Variants in VAT1L observed in about 807,000 individuals in gnomAD.
VAT1L encodes the protein putative NADPH-dependent quinone oxidoreductase VAT1L.
In VAT1L, 34 loss-of-function variants were observed where a neutral mutation model predicts 44.1. That is an observed-to-expected ratio of 0.77 (90% confidence interval 0.59 to 1.03). VAT1L has a LOEUF of 1.03. VAT1L is among the 50% of genes least tolerant of loss of function. The pLI is 0.00. For synonymous variants in VAT1L, 253 were observed against 202.2 expected (o/e 1.25, Z -2.13); for missense variants, 615 against 538.8 (o/e 1.14, Z -1.40).
intron 7 of VAT1L, among the ~76,000 whole-genome samples, chr16:77,926,994 T>C (rs16946861): frequency 0.19 from 28,841 of 152,090 alleles, 2,883 homozygotes; most frequent in Middle Eastern, 0.23. Context: ...GTTAGGAATG[T>C]AGAAGACAAC....
intron 7 of VAT1L, among the ~76,000 whole-genome samples, chr16:77,958,622 G>A (rs1320737271): frequency 6.6e-6 from 1 of 152,106 alleles, no homozygotes; most frequent in Non-Finnish European, 1.5e-5. Context: ...AATAAGACAA[G>A]AATATATAAT....
intron 1 of VAT1L, among the ~76,000 whole-genome samples, chr16:77,794,146 C>T (rs1300552710): frequency 1.3e-5 from 2 of 152,106 alleles, no homozygotes; most frequent in Non-Finnish European, 2.9e-5. Context: ...GACAGAGAGA[C>T]ACACACACAA....
At chr16:77,839,800 A>G (rs1468344600) in intron 3 of VAT1L, among the ~76,000 whole-genome samples, 1 of 152,178 alleles carries the variant, frequency 6.6e-6, no homozygotes, top group Non-Finnish European at 1.5e-5. Flanking sequence ...CAGCAGTTCA[A>G]TAAGAATTAA....
chr16:77,798,424 C>G (rs1193878028), intron 1 of VAT1L, among the ~76,000 whole-genome samples: 1 of 152,168 alleles, frequency 6.6e-6, no homozygotes, highest in East Asian at 1.9e-4. Flanking sequence ...GTTTGCTCAT[C>G]TGTAATATGG....
chr16:77,847,176 T>C (rs985555319), intron 3 of VAT1L, among the ~76,000 whole-genome samples: 8 of 152,200 alleles, frequency 5.3e-5, no homozygotes, highest in African/African-American at 1.9e-4. Context: ...GGAGAAGTAA[T>C]TGCTTTCAGT....
At chr16:77,943,139 C>G (rs1247136283) in intron 7 of VAT1L, among the ~76,000 whole-genome samples, 1 of 151,544 alleles carries the variant, frequency 6.6e-6, no homozygotes, top group African/African-American at 2.4e-5. Flanking sequence ...TCAGTGCAAC[C>G]TCCACCTCCC....
At chr16:77,889,380 T>C (rs2017240479) in intron 7 of VAT1L, among the ~76,000 whole-genome samples, 1 of 152,124 alleles carries the variant, frequency 6.6e-6, no homozygotes, top group South Asian at 2.1e-4. Flanking sequence ...GTACGTTAAG[T>C]TGGAAGAAAG....
In VAT1L at chr16:77,977,919, C is replaced by A; in HGVS notation, c.*224C>A. 2.0e-6 allele frequency: 1 copy of A among 495,534 alleles called. No homozygotes were observed. The highest frequency in any genetic ancestry group is 3.7e-6 in the Non-Finnish European group (1 of 271,504). 30.7% of individuals were successfully genotyped at this position (495,534 alleles called of 1,614,324 possible). On this transcript the variant is annotated 3_prime_UTR_variant, in exon 9 of 9. Coordinates refer to ENST00000302536, the MANE Select transcript of VAT1L (RefSeq NM_020927.3). ...TCCTATCTGTGTATTACACATTCCC[C>A]TCTCCCCTGTATCAAAACCATCCAT...
At chr16:77,972,689 G>C (rs2018293275) in intron 8 of VAT1L, among the ~76,000 whole-genome samples, 1 of 152,114 alleles carries the variant, frequency 6.6e-6, no homozygotes, top group South Asian at 2.1e-4. Flanking sequence ...GCTGAGGCAG[G>C]AGAATCGCTT....
intron 7 of VAT1L, among the ~76,000 whole-genome samples, chr16:77,927,877 T>TATAA (rs925295499): frequency 6.6e-6 from 1 of 152,086 alleles, no homozygotes; most frequent in African/African-American, 2.4e-5. Context: ...AATAAATAAA[T>TATAA]ATAAATAAAT....
At chr16:77,827,710 G>A (rs2016538074) in intron 3 of VAT1L, among the ~76,000 whole-genome samples, 1 of 152,178 alleles carries the variant, frequency 6.6e-6, no homozygotes, top group Non-Finnish European at 1.5e-5. Context: ...GTGTTCATTT[G>A]ATTGAAATAA....
intron 6 of VAT1L, among the ~76,000 whole-genome samples, chr16:77,882,821 A>T (rs1322577952): frequency 6.6e-6 from 1 of 152,200 alleles, no homozygotes; most frequent in African/African-American, 2.4e-5. Flanking sequence ...TGTCCCATAG[A>T]ATAGAATTTT....
chr16:77,963,393 T>C (rs986103280), intron 7 of VAT1L, among the ~76,000 whole-genome samples: 11 of 152,198 alleles, frequency 7.2e-5, no homozygotes, highest in African/African-American at 2.4e-4. Context: ...ATGCAAGGGC[T>C]TCTTCTAAAG....
chr16:77,808,710 C>T (rs1273243326), intron 1 of VAT1L, among the ~76,000 whole-genome samples: 2 of 152,152 alleles, frequency 1.3e-5, no homozygotes, highest in African/African-American at 2.4e-5. Context: ...ATTCTCCTGC[C>T]TCAGCCTCCC....
chr16:77,944,349 A>C (rs34134035), intron 7 of VAT1L, among the ~76,000 whole-genome samples: 21,009 of 152,188 alleles, frequency 0.14, 1,519 homozygotes, highest in Middle Eastern at 0.22. Context: ...TAGCCCCTAA[A>C]AATTGTAACT....
chr16:77,792,931 A>G, intron 1 of VAT1L, among the ~76,000 whole-genome samples: 2 of 152,338 alleles, frequency 1.3e-5, no homozygotes, highest in Non-Finnish European at 2.9e-5. Flanking sequence ...GCAGTCAAAA[A>G]ATGATAACCA....
chr16:77,791,010 G>C (rs1005072104), intron 1 of VAT1L, among the ~76,000 whole-genome samples: 1 of 152,162 alleles, frequency 6.6e-6, no homozygotes, highest in African/African-American at 2.4e-5. Flanking sequence ...CCAGGCTGCA[G>C]GTACATTTGG....
intron 8 of VAT1L, among the ~76,000 whole-genome samples, chr16:77,974,439 G>A (rs1315208724): frequency 2.0e-5 from 3 of 152,198 alleles, no homozygotes; most frequent in African/African-American, 4.8e-5. Context: ...CGGGCTGATA[G>A]GAAGGCCTGT....
intron 7 of VAT1L, among the ~76,000 whole-genome samples, chr16:77,887,415 C>T (rs2017220050): frequency 6.6e-6 from 1 of 152,184 alleles, no homozygotes; most frequent in Non-Finnish European, 1.5e-5. Flanking sequence ...CTACAGAAGT[C>T]TGATATTCAA....
Sources: allele counts gnomAD v4.1 joint callset (sites outside exome capture counted in the v4.1 genomes callset), GRCh38; gene constraint gnomAD v4.1.1; transcripts MANE v1.5; gene names NCBI Gene and HGNC (gene_info 2026-07-23, HGNC 2026-07-21).